Variants in PHLPP1 observed in about 807,000 individuals in gnomAD.
PHLPP1 encodes PH domain leucine-rich repeat-containing protein phosphatase 1.
In PHLPP1, 42 loss-of-function variants were observed where a neutral mutation model predicts 117.2. The observed-to-expected ratio is 0.36, with a 90% CI of 0.28 to 0.46. PHLPP1 has a LOEUF of 0.46. PHLPP1 is among the 20% of genes least tolerant of loss of function. The pLI is 1.00. For synonymous variants in PHLPP1, 1,042 were observed against 970.7 expected, an observed-to-expected ratio of 1.07 and a Z score of -1.37; for missense variants, 2,084 against 2,241.9, an observed-to-expected ratio of 0.93 and a Z score of 1.42.
At chr18:62,929,147 C>T (rs185657976) in intron 10 of PHLPP1, among the ~76,000 whole-genome samples, 16 of 152,124 alleles carry the variant, frequency 1.1e-4, no homozygotes, top group African/African-American at 2.2e-4. Flanking sequence ...ATGTGAATTA[C>T]GTCCCTATAA....
rs1010235357 is a variant in PHLPP1 at position 62,975,284 on chromosome 18, T to TCC, written c.3756-110_3756-109dup. 48 of 703,618 alleles carry TCC rather than the reference T, an allele frequency of 6.8e-5. 1 individual carries two copies. In the African/African-American group the frequency reaches 8.1e-4, roughly 12 times the overall value. The allele number at this position is 703,618 out of a possible 1,614,324, so 43.6% of individuals were successfully genotyped here. On this transcript the variant is annotated intron_variant, in intron 15 of 16. Transcript: ENST00000262719. ...CTTTGATGAAGGAGGCGGAGTGGAA[T>TCC]CCCCAGCTGTCTCCTTCCTGGCCCT...
intron 3 of PHLPP1, among the ~76,000 whole-genome samples, chr18:62,848,849 G>A (rs1443308444): frequency 2.0e-5 from 3 of 152,152 alleles, no homozygotes; most frequent in Non-Finnish European, 4.4e-5. Context: ...TATATAAAGC[G>A]TTCAATTACT....
intron 1 of PHLPP1, 66 bp downstream of exon 1, chr18:62,717,325 T>G: frequency 6.6e-7 from 1 of 1,512,978 alleles, no homozygotes; most frequent in South Asian, 1.3e-5. Context: ...GTGATTCAAA[T>G]TGCTTGTCAG....
chr18:62,912,623 T>G (rs1916988627), intron 8 of PHLPP1, among the ~76,000 whole-genome samples: 1 of 152,120 alleles, frequency 6.6e-6, no homozygotes, highest in South Asian at 2.1e-4. Flanking sequence ...AGTTCTTTTC[T>G]TTTTTTGTTT....
Position 62,979,249 on chromosome 18 carries a change from C to A in PHLPP1, c.4972C>A (p.Pro1658Thr), listed in dbSNP as rs1202534365. 7 of 1,587,834 alleles carry A rather than the reference C, an allele frequency of 4.4e-6. No individual in the cohort carries two copies. The highest frequency in any genetic ancestry group is 6.0e-6 in the Non-Finnish European group (7 of 1,166,672). The change falls in exon 17 of 17, where the codon CCG (proline) becomes ACG (threonine). Residue 1658 changes from proline (P) to threonine (T), a missense_variant. Pro to Thr is a conservative substitution (Grantham distance 38, BLOSUM62 -1). Around this residue, in one of 2 missense-constraint regions of PHLPP1, gnomAD observed 1,365 missense variants for 1,605.9 expected, o/e 0.85. Transcript: ENST00000262719. ...AGGCTATTTTGCTGCCCCGGCTCAG[C>A]CGGATCCTGATGATCAGTTTATCAT... ...PGGYFAAPAQ[P>T]DPDDQFIIPP...
intron 12 of PHLPP1, among the ~76,000 whole-genome samples, chr18:62,955,917 A>T (rs1045491777): frequency 1.1e-4 from 17 of 152,128 alleles, no homozygotes; most frequent in African/African-American, 3.9e-4. Flanking sequence ...TTGTCCTGCT[A>T]TGCTGATGTG....
chr18:62,874,643 G>GCGCA (rs1186157478), intron 4 of PHLPP1, among the ~76,000 whole-genome samples: 3 of 130,690 alleles, frequency 2.3e-5, no homozygotes, highest in East Asian at 2.2e-4. Context: ...ATCACAGGGC[G>GCGCA]CGCACGCACG....
chr18:62,855,717 A>G lies in PHLPP1; in HGVS notation c.1900-4718A>G, dbSNP rs1035197866. ...AACAGCTTACGGTCTAGAAGGAGGA[A>G]AGGAAGCCAATACAACTTGATGTTA... On this transcript the variant is annotated intron_variant, in intron 3 of 16. Coordinates refer to ENST00000262719, the MANE Select transcript of PHLPP1 (RefSeq NM_194449.4). Among the ~76,000 whole-genome samples the G allele has an allele frequency of 3.3e-5, 5 of 152,366 alleles. No homozygotes were observed. In the East Asian group the frequency reaches 5.8e-4, roughly 18 times the overall value.
intron 1 of PHLPP1, among the ~76,000 whole-genome samples, chr18:62,754,494 A>G (rs994512089): frequency 2.6e-5 from 4 of 152,254 alleles, no homozygotes; most frequent in African/African-American, 9.6e-5. Context: ...TAAGAGGAAC[A>G]AGAAGATTGC....
intron 1 of PHLPP1, among the ~76,000 whole-genome samples, chr18:62,782,629 A>G (rs1913150548): frequency 6.6e-6 from 1 of 152,228 alleles, no homozygotes; most frequent in African/African-American, 2.4e-5. Context: ...AGAATTCACA[A>G]ATGAAGGAAT....
intron 1 of PHLPP1, among the ~76,000 whole-genome samples, chr18:62,741,650 C>T (rs1266394595): frequency 6.6e-6 from 1 of 151,476 alleles, no homozygotes; most frequent in Non-Finnish European, 1.5e-5. Context: ...GTAAACTTAC[C>T]AAATACTTTT....
At chr18:62,738,379 AGCAACAAT>A (rs1169138802) in intron 1 of PHLPP1, among the ~76,000 whole-genome samples, 1 of 152,230 alleles carries the variant, frequency 6.6e-6, no homozygotes, top group Non-Finnish European at 1.5e-5. Flanking sequence ...CCCAAAACAA[AGCAACAAT>A]GCAACAATAA....
chr18:62,764,198 A>G (rs1248875952), intron 1 of PHLPP1, among the ~76,000 whole-genome samples: 1 of 151,898 alleles, frequency 6.6e-6, no homozygotes, highest in Non-Finnish European at 1.5e-5. Flanking sequence ...AACAACCAAA[A>G]AAACACAAAA....
intron 1 of PHLPP1, among the ~76,000 whole-genome samples, chr18:62,775,572 C>G (rs547767940): frequency 2.0e-5 from 3 of 152,306 alleles, no homozygotes; most frequent in Non-Finnish European, 4.4e-5. Flanking sequence ...CACAATGTCC[C>G]AGTAGAACCA....
chr18:62,826,491 G>C (rs577256958), intron 1 of PHLPP1, among the ~76,000 whole-genome samples: 1 of 152,196 alleles, frequency 6.6e-6, no homozygotes, highest in Non-Finnish European at 1.5e-5. Flanking sequence ...CATTTTTAGA[G>C]GTTTTGCTTT....
At chr18:62,940,824 G>C (rs895237747) in intron 10 of PHLPP1, among the ~76,000 whole-genome samples, 1 of 152,212 alleles carries the variant, frequency 6.6e-6, no homozygotes, top group Non-Finnish European at 1.5e-5. Flanking sequence ...GAGCACACTT[G>C]TGTAACCAGC....
intron 1 of PHLPP1, among the ~76,000 whole-genome samples, chr18:62,761,294 G>A (rs1304092883): frequency 1.3e-5 from 2 of 152,132 alleles, no homozygotes; most frequent in Non-Finnish European, 2.9e-5. Flanking sequence ...TAATTAAATG[G>A]TACTGTTCTC....
chr18:62,862,751 C>T lies in PHLPP1; in HGVS notation c.2066+2150C>T, dbSNP rs117861654. 4.3e-3 allele frequency among the ~76,000 whole-genome samples: 651 copies of T among 152,218 alleles called. 1 individual carries two copies. The highest frequency in any genetic ancestry group is 6.2e-3 in the Non-Finnish European group (423 of 68,018). ...TTTGTGTACTTCCTATTTTATCACC[C>T]AGAAAATTAAAAAGACATATACTCA... On this transcript the variant is annotated intron_variant, in intron 4 of 16. Transcript: ENST00000262719.
At position 62,895,895 on chromosome 18, in the gene PHLPP1, C is replaced by G. The variant is rs376182005; in HGVS notation, c.2328C>G (p.Pro776=). ...GLSFNEFTDI[P]EVLEKLTAVD... is the part of the protein sequence containing the mutation. The stretch of plus-strand genomic sequence containing the variant: ...CTTTCAATGAATTTACTGACATTCC[C>G]GAAGTATTGGAGAAATTGACTGCTG... Residue 776 remains proline, a synonymous_variant, in exon 6 of 17, where the codon CCC becomes CCG. Transcript: ENST00000262719. The G allele has an allele frequency of 1.2e-6, 2 of 1,612,936 alleles. No homozygotes were observed. Among genetic ancestry groups the G allele is most frequent in the Admixed American group, 1.7e-5 (1 of 60,016 alleles).
Sources: allele counts gnomAD v4.1 joint callset (sites outside exome capture counted in the v4.1 genomes callset), GRCh38; gene constraint gnomAD v4.1.1; regional missense constraint gnomAD v4.1.1; transcripts MANE v1.5; gene names NCBI Gene and HGNC (gene_info 2026-07-23, HGNC 2026-07-21).